The following BARD1 variants were observed in gnomAD, a reference collection of about 807,000 sequenced individuals.
The protein encoded by BARD1 is BRCA1-associated RING domain protein 1.
Under a neutral mutation model 77.0 loss-of-function variants are expected in BARD1, and 73 were observed. The ratio of observed to expected loss-of-function variants is 0.95; its 90% confidence interval spans 0.79 to 1.15. The LOEUF (loss-of-function observed/expected upper bound fraction) is 1.15. Among genes scored for constraint, BARD1 ranks in the 50% most tolerant of loss-of-function variants. BARD1 has a pLI of 0.00. For synonymous variants in BARD1, 384 were observed against 338.0 expected, an observed-to-expected ratio of 1.14 and a Z score of -1.49; for missense variants, 993 against 938.8, an observed-to-expected ratio of 1.06 and a Z score of -0.75.
At chr2:214,774,149 T>G (rs1436926315) in intron 4 of BARD1, among the ~76,000 whole-genome samples, 2 of 152,208 alleles carry the variant, frequency 1.3e-5, no homozygotes, top group African/African-American at 2.4e-5. Context: ...CTATTTCTAC[T>G]ACATCTATAG....
At chr2:214,770,458 T>C (rs576648435) in intron 4 of BARD1, among the ~76,000 whole-genome samples, 5 of 152,298 alleles carry the variant, frequency 3.3e-5, no homozygotes, top group Middle Eastern at 6.8e-3. Context: ...ATACAATAAC[T>C]TTACTTTAGA....
chr2:214,751,135 ATATATATATATATATATTTT>A lies in BARD1; in HGVS notation c.1677+1292_1677+1311del, dbSNP rs1574752676. On this transcript the variant is annotated intron_variant, in intron 7 of 10. Coordinates refer to ENST00000260947, the MANE Select transcript of BARD1 (RefSeq NM_000465.4). ...TGTGTGTGTATATATATATATATAT[ATATATATATATATATATTTT>A]TTTTTTTTTTTTTTTTTTTTTTGAG... Among the ~76,000 whole-genome samples the A allele has an allele frequency of 9.5e-4, 16 of 16,858 alleles. 1 individual carries two copies. The highest frequency in any genetic ancestry group is 7.5e-3 in the Admixed American group (7 of 930). The allele number at this position is 16,858 out of a possible 152,430, so 11.1% of individuals were successfully genotyped here.
chr2:214,735,839 G>A (rs1692543866), intron 9 of BARD1, among the ~76,000 whole-genome samples: 1 of 152,100 alleles, frequency 6.6e-6, no homozygotes, highest in Non-Finnish European at 1.5e-5. Context: ...AAAAGCAGAG[G>A]TTTGTCAAGA....
At chr2:214,791,196 G>A (rs1695495548) in intron 3 of BARD1, among the ~76,000 whole-genome samples, 2 of 152,056 alleles carry the variant, frequency 1.3e-5, no homozygotes, top group Admixed American at 6.6e-5. Flanking sequence ...ATACAATGAC[G>A]CAGATAACTA....
intron 3 of BARD1, among the ~76,000 whole-genome samples, chr2:214,782,740 T>G (rs1695098382): frequency 6.6e-6 from 1 of 152,084 alleles, no homozygotes; most frequent in African/African-American, 2.4e-5. Context: ...GTAAATGATG[T>G]AAAGGAAACA....
At chr2:214,800,950 G>C (rs1462273296) in intron 1 of BARD1, among the ~76,000 whole-genome samples, 1 of 151,706 alleles carries the variant, frequency 6.6e-6, no homozygotes, top group Non-Finnish European at 1.5e-5. Context: ...GAATAGTTAG[G>C]AAGTTAATAA....
chr2:214,769,277 A>C lies in BARD1; in HGVS notation c.1350T>G (p.Asn450Lys), dbSNP rs876660753. The change falls in exon 5 of 11, where the codon AAT becomes AAG. Residue 450 changes from asparagine to lysine, a missense_variant. Physicochemically the swap from Asn to Lys is moderately conservative, Grantham distance 94. Transcript: ENST00000260947. ...GGTCTTTAACATTTGGATCACTTCC[A>C]TTTTGTAAAAGGTATTCAACAGAAG... ...DIPSVEYLLQ[N>K]GSDPNVKDHA... is the part of the protein sequence containing the mutation. 1 of 1,613,842 alleles carries C rather than the reference A, an allele frequency of 6.2e-7. No homozygotes were observed. The highest frequency in any genetic ancestry group is 8.5e-7 in the Non-Finnish European group (1 of 1,179,750).
rs1692092116 is a variant in BARD1 at position 214,726,549 on chromosome 2, A to G, written c.*2127T>C. 1.3e-5 allele frequency: 3 copies of G among 227,426 alleles called. No homozygotes were observed. The East Asian group carries it at 1.9e-4, about 14-fold the overall frequency. The allele number at this position is 227,426 out of a possible 1,614,324, so 14.1% of individuals were successfully genotyped here. On this transcript the variant is annotated 3_prime_UTR_variant, in exon 11 of 11. Transcript: ENST00000260947. Reference sequence around the variant, plus strand: ...ATGTTAAAAAAGATAAGCTTTTGTTAGTTAATAGACTTCCTCACCAAGTCA... The same window carrying G: ...ATGTTAAAAAAGATAAGCTTTTGTTGGTTAATAGACTTCCTCACCAAGTCA...
chr2:214,757,317 C>T (rs796551064), intron 6 of BARD1, among the ~76,000 whole-genome samples: 34 of 151,210 alleles, frequency 2.2e-4, no homozygotes, highest in African/African-American at 7.3e-4. Flanking sequence ...TGTACTCTTG[C>T]GCTATTCCTT....
intron 2 of BARD1, 76 bp downstream of exon 2, chr2:214,796,985 T>G: frequency 8.7e-7 from 1 of 1,148,746 alleles, no homozygotes; most frequent in Non-Finnish European, 1.3e-6. Flanking sequence ...AGTACCATTA[T>G]TATCAACAAG....
Position 214,794,390 on chromosome 2 carries a change from C to A in BARD1, c.216-1945G>T, listed in dbSNP as rs1695665019. On this transcript the variant is annotated intron_variant, in intron 2 of 10. Transcript: ENST00000260947. ...ACAATTATGTATAAAGCCAGATTTT[C>A]TTCAATCAAAAAAGTATCACAATAG... Among the ~76,000 whole-genome samples the A allele has an allele frequency of 2.6e-5, 4 of 152,156 alleles. 2 individuals carry two copies. The South Asian group carries it at 8.3e-4, about 31-fold the overall frequency.
Position 214,780,898 on chromosome 2 carries a change from T to C in BARD1, c.976A>G (p.Asn326Asp), listed in dbSNP as rs587780038. The change falls in exon 4 of 11, where the codon AAT becomes GAT. Residue 326 changes from asparagine to aspartate, a missense_variant. Asn to Asp is a conservative substitution (Grantham distance 23, BLOSUM62 1). Coordinates refer to ENST00000260947, the MANE Select transcript of BARD1 (RefSeq NM_000465.4). ...TTAGAAATGGGACTGGAAAGTCTAT[T>C]GTGATGGCCACGTTTTCCATTATTT... Reference protein sequence around the residue: ...LENNGKRGHHNRLSSPISKRC... With the variant: ...LENNGKRGHHDRLSSPISKRC... 4 of 1,614,048 alleles carry C rather than the reference T, an allele frequency of 2.5e-6. No individual in the cohort carries two copies. Among genetic ancestry groups the C allele is most frequent in the Admixed American group, 1.7e-5 (1 of 59,996 alleles).
At chr2:214,761,803 C>A (rs930813871) in intron 6 of BARD1, among the ~76,000 whole-genome samples, 1 of 152,112 alleles carries the variant, frequency 6.6e-6, no homozygotes, top group Non-Finnish European at 1.5e-5. Flanking sequence ...GACTATAACT[C>A]TATGGGTCAG....
chr2:214,743,491 C>T (rs890745866), intron 9 of BARD1, among the ~76,000 whole-genome samples: 12 of 152,184 alleles, frequency 7.9e-5, no homozygotes, highest in African/African-American at 2.7e-4. Flanking sequence ...CGTACTTTTC[C>T]TTCAGTGTCC....
At chr2:214,762,540 T>C (rs1694011767) in intron 6 of BARD1, among the ~76,000 whole-genome samples, 1 of 152,186 alleles carries the variant, frequency 6.6e-6, no homozygotes, top group Non-Finnish European at 1.5e-5. Flanking sequence ...GCTATGAGTC[T>C]AACTTTGATA....
At chr2:214,730,825 GTC>G (rs1692322251) in intron 9 of BARD1, 1 of 458,082 alleles carries the variant, frequency 2.2e-6, no homozygotes, top group Admixed American at 2.7e-5. Context: ...AAAAATAAAA[GTC>G]TACATTTCCA....
At chr2:214,746,729 T>C (rs1397803912) in intron 7 of BARD1, among the ~76,000 whole-genome samples, 1 of 152,132 alleles carries the variant, frequency 6.6e-6, no homozygotes, top group Non-Finnish European at 1.5e-5. Context: ...CCTCCTCACA[T>C]AGACCTAAAA....
chr2:214,807,044 T>C (rs1696309158), intron 1 of BARD1, among the ~76,000 whole-genome samples: 1 of 152,116 alleles, frequency 6.6e-6, no homozygotes. Context: ...AAGGAAAGAA[T>C]GGTTTTTACA....
At chr2:214,743,226 A>C (rs988348870) in intron 9 of BARD1, among the ~76,000 whole-genome samples, 2 of 152,194 alleles carry the variant, frequency 1.3e-5, no homozygotes, top group African/African-American at 4.8e-5. Context: ...TGATGAAAGG[A>C]AACTGTTTTA....
Sources: gnomAD v4.1 joint callset for allele counts (sites outside exome capture counted in the v4.1 genomes callset) on GRCh38, gnomAD v4.1.1 for gene constraint, MANE v1.5 for transcripts, NCBI Gene and HGNC (gene_info 2026-07-23, HGNC 2026-07-21) for gene names.